NKAIN2: variants seen among roughly 807,000 people sequenced by gnomAD.
NKAIN2 encodes the protein sodium/potassium-transporting ATPase subunit beta-1-interacting protein 2.
Under a neutral mutation model 32.6 loss-of-function variants are expected in NKAIN2, and 14 were observed. The observed-to-expected ratio is 0.43, with a 90% CI of 0.28 to 0.67. NKAIN2 has a LOEUF of 0.67. Ranked by LOEUF, NKAIN2 falls within the 30% of genes least tolerant of loss-of-function variation. NKAIN2 has a pLI of 0.17. For synonymous variants in NKAIN2, 80 were observed against 87.2 expected (o/e 0.92, Z 0.46); for missense variants, 198 against 258.3 (o/e 0.77, Z 1.60).
chr6:124,740,811 G>T (rs1250272652), intron 4 of NKAIN2, among the ~76,000 whole-genome samples: 6 of 151,766 alleles, frequency 4.0e-5, no homozygotes, highest in Non-Finnish European at 8.8e-5. Context: ...GGACAGTAAA[G>T]GTTGTAATAA....
intron 3 of NKAIN2, among the ~76,000 whole-genome samples, chr6:124,360,231 C>A (rs998622368): frequency 1.3e-5 from 2 of 150,938 alleles, no homozygotes; most frequent in African/African-American, 2.5e-5. Flanking sequence ...GTCTAAAATT[C>A]TCTTTTTTGG....
At chr6:123,851,312 C>T (rs1775338058) in intron 1 of NKAIN2, among the ~76,000 whole-genome samples, 1 of 123,546 alleles carries the variant, frequency 8.1e-6, no homozygotes, top group African/African-American at 3.2e-5. Context: ...TGCAATGGTG[C>T]AATCTCGGCT....
intron 1 of NKAIN2, among the ~76,000 whole-genome samples, chr6:123,886,855 GA>G (rs1052307446): frequency 2.2e-4 from 33 of 152,044 alleles, no homozygotes; most frequent in Non-Finnish European, 3.8e-4. Context: ...CGTTTTTGGA[GA>G]AAAAAATATT....
At chr6:124,166,386 G>T (rs1582774881) in intron 1 of NKAIN2, among the ~76,000 whole-genome samples, 4 of 151,886 alleles carry the variant, frequency 2.6e-5, no homozygotes, top group African/African-American at 9.7e-5. Flanking sequence ...CTTGTAAATT[G>T]GTTGGAGTTC....
intron 1 of NKAIN2, among the ~76,000 whole-genome samples, chr6:124,171,645 G>C (rs548621244): frequency 1.5e-5 from 2 of 135,666 alleles, no homozygotes; most frequent in African/African-American, 5.5e-5. Context: ...TCTGCCTCCC[G>C]GTTCAAGCAA....
chr6:123,831,905 C>T (rs910088408), intron 1 of NKAIN2, among the ~76,000 whole-genome samples: 6 of 152,132 alleles, frequency 3.9e-5, no homozygotes, highest in Admixed American at 3.3e-4. Flanking sequence ...CCGCCCGCCT[C>T]GGCCTTGCAA....
chr6:124,277,724 T>A (rs73770384), intron 1 of NKAIN2, among the ~76,000 whole-genome samples: 4,805 of 152,072 alleles, frequency 0.032, 240 homozygotes, highest in African/African-American at 0.11. Flanking sequence ...GTTGAGTCAA[T>A]CTGAAAGCTC....
intron 1 of NKAIN2, among the ~76,000 whole-genome samples, chr6:123,823,584 T>C (rs1350012434): frequency 6.6e-6 from 1 of 152,162 alleles, no homozygotes; most frequent in African/African-American, 2.4e-5. Context: ...AGAATGTGTG[T>C]AGAGGTCAAG....
intron 1 of NKAIN2, among the ~76,000 whole-genome samples, chr6:124,219,346 C>T (rs184567875): frequency 9.2e-4 from 139 of 150,384 alleles, no homozygotes; most frequent in African/African-American, 3.2e-3. Flanking sequence ...GGTGCGATCT[C>T]GGCTCACTGC....
chr6:124,193,475 G>C (rs567728925), intron 1 of NKAIN2, among the ~76,000 whole-genome samples: 2 of 152,126 alleles, frequency 1.3e-5, no homozygotes, highest in African/African-American at 2.4e-5. Context: ...ATGTGGCTGG[G>C]CCCAGAAACT....
At chr6:124,813,250 T>C (rs1296896249) in intron 5 of NKAIN2, among the ~76,000 whole-genome samples, 1 of 152,132 alleles carries the variant, frequency 6.6e-6, no homozygotes, top group African/African-American at 2.4e-5. Flanking sequence ...CAAAGGTAGT[T>C]TCTGATAAGT....
At chr6:124,692,536 G>A (rs1774307396) in intron 4 of NKAIN2, among the ~76,000 whole-genome samples, 1 of 152,086 alleles carries the variant, frequency 6.6e-6, no homozygotes, top group African/African-American at 2.4e-5. Context: ...TAACATGAGG[G>A]CCGGGTGCGG....
At chr6:124,421,214 C>T (rs1282332629) in intron 3 of NKAIN2, among the ~76,000 whole-genome samples, 1 of 151,954 alleles carries the variant, frequency 6.6e-6, no homozygotes, top group African/African-American at 2.4e-5. Context: ...TATTCGTGTG[C>T]TTTACTCATG....
chr6:124,356,450 A>G (rs1219883310), intron 3 of NKAIN2, among the ~76,000 whole-genome samples: 1 of 152,210 alleles, frequency 6.6e-6, no homozygotes, highest in Non-Finnish European at 1.5e-5. Flanking sequence ...GAAGGATCAA[A>G]TAGGAGGATG....
chr6:123,860,814 T>G (rs762674828), intron 1 of NKAIN2, among the ~76,000 whole-genome samples: 16 of 152,318 alleles, frequency 1.1e-4, no homozygotes, highest in Non-Finnish European at 2.1e-4. Flanking sequence ...TCCCTCTCTG[T>G]TTTGCACTTC....
At position 123,964,598 on chromosome 6, in the gene NKAIN2, A is replaced by T. The variant is rs1163022543; in HGVS notation, c.54+160344A>T. Among the ~76,000 whole-genome samples the T allele has an allele frequency of 1.3e-5, 2 of 152,212 alleles. No homozygotes were observed. Among genetic ancestry groups the T allele is most frequent in the Non-Finnish European group, 2.9e-5 (2 of 68,036 alleles). On this transcript the variant is annotated intron_variant, in intron 1 of 6. Coordinates refer to ENST00000368417, the MANE Select transcript of NKAIN2 (RefSeq NM_001040214.3). This position sits in a 1 kb window ranked among gnomAD's most constrained non-coding sequence, Gnocchi z 4.0. ...GGGATATAGAAAGGGCGTATGTAAG[A>T]GTTCTAAAAATTATTAAAGGTTTGA...
intron 4 of NKAIN2, among the ~76,000 whole-genome samples, chr6:124,747,424 T>C (rs1395412619): frequency 2.0e-5 from 3 of 151,882 alleles, no homozygotes; most frequent in African/African-American, 7.2e-5. Context: ...ATGTTAAGCC[T>C]TATGTCAATT....
intron 1 of NKAIN2, among the ~76,000 whole-genome samples, chr6:124,167,513 C>A (rs138994713): frequency 0.048 from 7,296 of 152,158 alleles, 265 homozygotes; most frequent in Middle Eastern, 0.096. Flanking sequence ...CCTTTATTTC[C>A]TTCTCCTGCC....
At chr6:124,487,872 A>AT (rs1379143039) in intron 3 of NKAIN2, among the ~76,000 whole-genome samples, 1 of 152,020 alleles carries the variant, frequency 6.6e-6, no homozygotes, top group Non-Finnish European at 1.5e-5. Context: ...CCATAGGTCC[A>AT]TTTCTCTCTC....
Sources: allele counts gnomAD v4.1 joint callset (sites outside exome capture counted in the v4.1 genomes callset), GRCh38; gene constraint gnomAD v4.1.1; non-coding constraint Gnocchi (gnomAD v3.1); transcripts MANE v1.5; gene names NCBI Gene and HGNC (gene_info 2026-07-23, HGNC 2026-07-21).